The following MARCHF3 variants were observed in gnomAD, a reference collection of about 807,000 sequenced individuals.
MARCHF3 encodes E3 ubiquitin-protein ligase MARCHF3.
MARCHF3 carries 13 observed loss-of-function variants against 24.2 expected under a neutral mutation model. That is an observed-to-expected ratio of 0.54 (90% CI 0.35 to 0.85). The LOEUF (loss-of-function observed/expected upper bound fraction) is 0.85. Ranked by LOEUF, MARCHF3 falls within the 40% of genes least tolerant of loss-of-function variation. MARCHF3 has a pLI of 0.01. For synonymous variants in MARCHF3, 144 were observed against 137.3 expected (o/e 1.05, Z -0.34); for missense variants, 276 against 325.0 (o/e 0.85, Z 1.16).
At chr5:126,970,092 T>A (rs556562438) in intron 1 of MARCHF3, among the ~76,000 whole-genome samples, 66 of 150,006 alleles carry the variant, frequency 4.4e-4, no homozygotes, top group East Asian at 9.9e-4. Flanking sequence ...CTTTTTTTTT[T>A]AATTTTTTTA....
chr5:127,020,228 C>T (rs1580497032), intron 1 of MARCHF3, among the ~76,000 whole-genome samples: 1 of 152,200 alleles, frequency 6.6e-6, no homozygotes, highest in Non-Finnish European at 1.5e-5. Flanking sequence ...AGCTCTTATC[C>T]AATTACAGGA....
chr5:126,891,156 T>A (rs1437483483), intron 3 of MARCHF3, among the ~76,000 whole-genome samples: 1 of 150,004 alleles, frequency 6.7e-6, no homozygotes, highest in Admixed American at 6.6e-5. Context: ...TCTTGTAAAT[T>A]TGTTTGAGTT....
Position 127,000,736 on chromosome 5 carries a change from T to G in MARCHF3, c.-57+29614A>C, listed in dbSNP as rs138542974. Among the ~76,000 whole-genome samples the G allele has an allele frequency of 5.0e-3, 766 of 152,180 alleles. 8 individuals carry two copies. Among genetic ancestry groups the G allele is most frequent in the African/African-American group, 0.018 (732 of 41,526 alleles). On this transcript the variant is annotated intron_variant, in intron 1 of 4. Coordinates refer to ENST00000308660, the MANE Select transcript of MARCHF3 (RefSeq NM_178450.5). ...TTTTTTGAGACAGAGTCTTGCACTG[T>G]TGCCCAGGCTGGAGTGCAGTGGCGC...
intron 3 of MARCHF3, among the ~76,000 whole-genome samples, chr5:126,883,341 C>T (rs888713173): frequency 1.3e-5 from 2 of 152,196 alleles, no homozygotes; most frequent in African/African-American, 2.4e-5. Flanking sequence ...ATCTTGTTCT[C>T]TGGTTCCATC....
chr5:126,916,692 GACACAC>G (rs34090036), intron 2 of MARCHF3, among the ~76,000 whole-genome samples: 1,402 of 130,546 alleles, frequency 0.011, 11 homozygotes, highest in Non-Finnish European at 0.013. Flanking sequence ...CAGACAGACA[GACACAC>G]ACACACACAC....
At chr5:126,942,890 C>A (rs1749880932) in intron 1 of MARCHF3, among the ~76,000 whole-genome samples, 1 of 152,226 alleles carries the variant, frequency 6.6e-6, no homozygotes, top group Non-Finnish European at 1.5e-5. Flanking sequence ...CAGCACTACA[C>A]TGTTGGCAAG....
chr5:127,020,600 C>T (rs564817537), intron 1 of MARCHF3, among the ~76,000 whole-genome samples: 19 of 152,206 alleles, frequency 1.2e-4, no homozygotes, highest in Middle Eastern at 3.4e-3. Context: ...CCTGTAATCC[C>T]AGCACTTTGG....
intron 1 of MARCHF3, among the ~76,000 whole-genome samples, chr5:127,019,499 G>C (rs1269588183): frequency 1.3e-5 from 2 of 152,146 alleles, no homozygotes; most frequent in Non-Finnish European, 2.9e-5. Context: ...AAGTCCTCTG[G>C]GATTCTTCTT....
chr5:126,947,001 T>C (rs756701410), intron 1 of MARCHF3, among the ~76,000 whole-genome samples: 1 of 152,226 alleles, frequency 6.6e-6, no homozygotes, highest in Non-Finnish European at 1.5e-5. Context: ...ATAATTTCTT[T>C]TCAACATATG....
chr5:126,925,105 G>C (rs541669696), intron 1 of MARCHF3, among the ~76,000 whole-genome samples: 4 of 152,134 alleles, frequency 2.6e-5, no homozygotes, highest in Admixed American at 2.0e-4. Context: ...TCATTGTCAC[G>C]CTTACAGGGC....
chr5:126,878,239 G>A lies in MARCHF3; in HGVS notation c.549C>T (p.Val183=), dbSNP rs140632423. ...HLHFSSRLEA[V]GLIALTVALF... is the part of the protein sequence containing the mutation. ...GTGCGACAGTGAGTGCAATCAGTCC[G>A]ACGGCTTCCAGCCGACTACTAAAGT... is the stretch of plus-strand genomic sequence containing the variant. The change falls in exon 4 of 5, where the codon GTC becomes GTT. Residue 183 remains valine (V), a synonymous_variant. Transcript: ENST00000308660. The A allele has an allele frequency of 5.7e-5, 92 of 1,614,242 alleles. No homozygotes were observed. Among genetic ancestry groups the A allele is most frequent in the Middle Eastern group, 3.3e-4 (2 of 6,062 alleles).
intron 1 of MARCHF3, among the ~76,000 whole-genome samples, chr5:127,007,973 G>A (rs1479922935): frequency 2.0e-5 from 3 of 151,748 alleles, no homozygotes; most frequent in Non-Finnish European, 4.4e-5. Flanking sequence ...AGCTGAGCTC[G>A]GTATGCTGAG....
At chr5:126,972,051 G>C (rs1295950131) in intron 1 of MARCHF3, among the ~76,000 whole-genome samples, 1 of 152,022 alleles carries the variant, frequency 6.6e-6, no homozygotes, top group African/African-American at 2.4e-5. Flanking sequence ...AGACTCCCTG[G>C]CTCTGCAATT....
chr5:127,028,186 T>C (rs746082093), intron 1 of MARCHF3, among the ~76,000 whole-genome samples: 3 of 152,226 alleles, frequency 2.0e-5, no homozygotes, highest in Non-Finnish European at 2.9e-5. Context: ...AACACCATTA[T>C]TGAAATGTAA....
intron 1 of MARCHF3, among the ~76,000 whole-genome samples, chr5:126,930,393 T>C (rs1052410799): frequency 6.6e-6 from 1 of 152,236 alleles, no homozygotes; most frequent in Non-Finnish European, 1.5e-5. Context: ...CTTTTGCTTA[T>C]TGCTGCACAG....
At chr5:126,932,007 T>C (rs1263847440) in intron 1 of MARCHF3, among the ~76,000 whole-genome samples, 1 of 152,200 alleles carries the variant, frequency 6.6e-6, no homozygotes, top group Non-Finnish European at 1.5e-5. Context: ...TCTCAGAACA[T>C]TTGAGGATTA....
At chr5:126,897,146 T>A (rs1466248581) in intron 3 of MARCHF3, among the ~76,000 whole-genome samples, 1 of 149,768 alleles carries the variant, frequency 6.7e-6, no homozygotes, top group East Asian at 2.0e-4. Context: ...TTCAAGCGAT[T>A]CTCCTGTCTC....
intron 3 of MARCHF3, among the ~76,000 whole-genome samples, chr5:126,891,158 G>GT (rs1171216217): frequency 6.7e-6 from 1 of 149,824 alleles, no homozygotes; most frequent in African/African-American, 2.4e-5. Context: ...TTGTAAATTT[G>GT]TTTGAGTTCA....
At chr5:127,007,989 C>T (rs944273043) in intron 1 of MARCHF3, among the ~76,000 whole-genome samples, 8 of 151,882 alleles carry the variant, frequency 5.3e-5, no homozygotes, top group South Asian at 2.1e-4. Flanking sequence ...CTGAGGAAAA[C>T]CTAGTCCTCC....
Sources: allele counts gnomAD v4.1 joint callset (sites outside exome capture counted in the v4.1 genomes callset), GRCh38; gene constraint gnomAD v4.1.1; transcripts MANE v1.5; gene names NCBI Gene and HGNC (gene_info 2026-07-23, HGNC 2026-07-21).